The following CADM1 variants were observed in gnomAD, a reference collection of about 807,000 sequenced individuals.
CADM1 encodes TSLC-1.
In CADM1, 15 loss-of-function variants were observed where a neutral mutation model predicts 53.1. That is an observed-to-expected ratio of 0.28 (90% CI 0.19 to 0.44). The LOEUF (loss-of-function observed/expected upper bound fraction) is 0.44, where lower values mean the gene tolerates loss of function less well. CADM1 is among the 20% of genes least tolerant of loss of function. The pLI, the probability that CADM1 is intolerant of heterozygous loss-of-function variation, is 1.00. For synonymous variants in CADM1, 281 were observed against 243.0 expected (o/e 1.16, Z -1.45); for missense variants, 434 against 611.3 (o/e 0.71, Z 3.06).
chr11:115,487,540 T>C (rs2135420919), intron 1 of CADM1, among the ~76,000 whole-genome samples: 1 of 152,188 alleles, frequency 6.6e-6, no homozygotes, highest in South Asian at 2.1e-4. Context: ...GGAGATCATT[T>C]TCGGTTAAAA....
At chr11:115,414,458 T>C (rs1187343251) in intron 1 of CADM1, among the ~76,000 whole-genome samples, 1 of 152,052 alleles carries the variant, frequency 6.6e-6, no homozygotes, top group East Asian at 1.9e-4. Context: ...GACGATTCTA[T>C]ACCACATATA....
chr11:115,328,743 T>TATATATGTATATAC (rs1565368250), intron 1 of CADM1, among the ~76,000 whole-genome samples: 14 of 57,970 alleles, frequency 2.4e-4, no homozygotes, highest in South Asian at 1.3e-3. Context: ...CATATATATA[T>TATATATGTATATAC]ATATAGAATC....
At chr11:115,480,411 A>G (rs541217160) in intron 1 of CADM1, among the ~76,000 whole-genome samples, 1 of 152,300 alleles carries the variant, frequency 6.6e-6, no homozygotes, top group South Asian at 2.1e-4. Context: ...CTGGCCTTGG[A>G]TCCACTTGAA....
intron 1 of CADM1, among the ~76,000 whole-genome samples, chr11:115,374,852 A>T (rs1946399235): frequency 6.8e-6 from 1 of 146,174 alleles, no homozygotes; most frequent in Non-Finnish European, 1.5e-5. Context: ...AGGCTAAGAA[A>T]AACTTGGCGT....
intron 1 of CADM1, among the ~76,000 whole-genome samples, chr11:115,302,623 C>T (rs186948893): frequency 2.4e-4 from 36 of 151,776 alleles, no homozygotes; most frequent in Middle Eastern, 3.4e-3. Flanking sequence ...CATTTTCTTA[C>T]CTAAAAAAAG....
chr11:115,490,392 A>ATTTTTTT (rs35633504), intron 1 of CADM1, among the ~76,000 whole-genome samples: 2 of 109,328 alleles, frequency 1.8e-5, no homozygotes, highest in Non-Finnish European at 3.6e-5. Context: ...GGAAGAACAG[A>ATTTTTTT]TTTTTTTTTT....
intron 10 of CADM1, 152 bp downstream of exon 10, chr11:115,190,736 C>A: frequency 1.7e-6 from 1 of 581,156 alleles, no homozygotes; most frequent in South Asian, 2.3e-5. Flanking sequence ...AGTGGGTGAC[C>A]GGGGAGGAAG....
chr11:115,475,033 G>A (rs1262848445), intron 1 of CADM1, among the ~76,000 whole-genome samples: 1 of 152,130 alleles, frequency 6.6e-6, no homozygotes, highest in African/African-American at 2.4e-5. Context: ...TCTTAAACAT[G>A]TATAGTTGTC....
intron 1 of CADM1, among the ~76,000 whole-genome samples, chr11:115,368,084 A>G (rs547126473): frequency 9.4e-5 from 14 of 149,592 alleles, no homozygotes; most frequent in Non-Finnish European, 1.5e-4. Context: ...CCCCAGGCAC[A>G]AAAATGTCTT....
At chr11:115,194,677 GAA>G (rs1940063601) in intron 9 of CADM1, among the ~76,000 whole-genome samples, 1 of 152,116 alleles carries the variant, frequency 6.6e-6, no homozygotes, top group Non-Finnish European at 1.5e-5. Flanking sequence ...GGCACAGAGA[GAA>G]AGAGAGAGAG....
chr11:115,238,410 A>G, intron 3 of CADM1, 90 bp downstream of exon 3: 7 of 1,360,656 alleles, frequency 5.1e-6, no homozygotes, highest in East Asian at 2.3e-5. Context: ...AAGTTTGAAC[A>G]GGAGAATTCA....
intron 7 of CADM1, among the ~76,000 whole-genome samples, chr11:115,211,106 T>C (rs1940936288): frequency 6.6e-6 from 1 of 152,208 alleles, no homozygotes; most frequent in Admixed American, 6.5e-5. Flanking sequence ...AACTACCTTT[T>C]TAAAAGAAAG....
At chr11:115,220,296 C>T (rs758547635) in intron 5 of CADM1, among the ~76,000 whole-genome samples, 5 of 152,172 alleles carry the variant, frequency 3.3e-5, no homozygotes, top group South Asian at 2.1e-4. Context: ...CACCCTGCTT[C>T]TTCAGTACCA....
chr11:115,453,399 A>C (rs1424814918), intron 1 of CADM1, among the ~76,000 whole-genome samples: 2 of 149,984 alleles, frequency 1.3e-5, no homozygotes, highest in Non-Finnish European at 3.0e-5. Flanking sequence ...AAAAAAAAAA[A>C]CAAGAAAAGA....
chr11:115,173,867 T>G lies in CADM1; in HGVS notation c.*2607A>C. The stretch of plus-strand genomic sequence containing the variant: ...GAACAAGCTTATTTGGCATCAATTA[T>G]ACATCCTTCATTATTTTATATTCCT... On this transcript the variant is annotated 3_prime_UTR_variant, in exon 12 of 12. Coordinates refer to ENST00000331581, the MANE Select transcript of CADM1 (RefSeq NM_001301043.2). The G allele has an allele frequency of 2.1e-6, 2 of 970,774 alleles. No individual in the cohort carries two copies. Among genetic ancestry groups the G allele is most frequent in the Non-Finnish European group, 2.4e-6 (2 of 816,582 alleles). 60.1% of individuals were successfully genotyped at this position (970,774 alleles called of 1,614,324 possible). A position where few individuals can be genotyped will look rare whatever the true frequency, so the allele number is the denominator to read the frequency against.
At chr11:115,272,106 C>A (rs1943316286) in intron 1 of CADM1, among the ~76,000 whole-genome samples, 1 of 150,890 alleles carries the variant, frequency 6.6e-6, no homozygotes. Flanking sequence ...CTTGCAAAGA[C>A]CATTGCTCTA....
intron 1 of CADM1, among the ~76,000 whole-genome samples, chr11:115,251,221 G>A (rs1043080690): frequency 1.3e-5 from 2 of 152,210 alleles, no homozygotes; most frequent in Non-Finnish European, 2.9e-5. Context: ...CCTGCCTCAA[G>A]GGCATTCATT....
At chr11:115,282,444 T>C (rs543199509) in intron 1 of CADM1, among the ~76,000 whole-genome samples, 65 of 152,316 alleles carry the variant, frequency 4.3e-4, no homozygotes, top group African/African-American at 1.5e-3. Context: ...TATTTAAATA[T>C]GAACACAATA....
At chr11:115,190,222 A>G (rs1403372133) in intron 10 of CADM1, among the ~76,000 whole-genome samples, 1 of 152,182 alleles carries the variant, frequency 6.6e-6, no homozygotes, top group Non-Finnish European at 1.5e-5. Context: ...TTTAGCTCTG[A>G]CCACTTTAAA....
Sources: allele counts gnomAD v4.1 joint callset (sites outside exome capture counted in the v4.1 genomes callset), GRCh38; gene constraint gnomAD v4.1.1; transcripts MANE v1.5; gene names NCBI Gene and HGNC (gene_info 2026-07-23, HGNC 2026-07-21).